NEBL: variants seen among roughly 807,000 people sequenced by gnomAD.
The protein encoded by NEBL is nebulette.
A neutral mutation model predicts 140.2 loss-of-function variants in NEBL; 122 were observed. The ratio of observed to expected loss-of-function variants is 0.87; its 90% confidence interval spans 0.75 to 1.01. The LOEUF (loss-of-function observed/expected upper bound fraction) is 1.01. Among genes scored for constraint, NEBL ranks in the 50% least tolerant of loss-of-function variants. The pLI is 0.00. For synonymous variants in NEBL, 436 were observed against 398.9 expected, an observed-to-expected ratio of 1.09 and a Z score of -1.11; for missense variants, 1,365 against 1,231.3, an observed-to-expected ratio of 1.11 and a Z score of -1.62.
chr10:21,250,310 A>C (rs1588562826), intron 2 of NEBL, among the ~76,000 whole-genome samples: 1 of 152,136 alleles, frequency 6.6e-6, no homozygotes, highest in East Asian at 1.9e-4. Context: ...AAAAGGCTAG[A>C]TTGGCCTAGC....
intron 2 of NEBL, among the ~76,000 whole-genome samples, chr10:21,090,743 G>T (rs1351396403): frequency 6.6e-6 from 1 of 152,126 alleles, no homozygotes; most frequent in African/African-American, 2.4e-5. Flanking sequence ...ACCTGGTTTT[G>T]TCATTAGCCA....
At chr10:20,798,596 C>T (rs896197086) in intron 26 of NEBL, among the ~76,000 whole-genome samples, 3 of 152,168 alleles carry the variant, frequency 2.0e-5, no homozygotes, top group African/African-American at 7.2e-5. Flanking sequence ...TTTATTTTCT[C>T]CTTTACATGC....
intron 2 of NEBL, among the ~76,000 whole-genome samples, chr10:21,099,863 T>G (rs1564511098): frequency 6.6e-6 from 1 of 152,226 alleles, no homozygotes; most frequent in East Asian, 1.9e-4. Context: ...TTACAGTCAC[T>G]GAAGTTTTGA....
At chr10:21,147,597 A>G (rs1472722905) in intron 2 of NEBL, among the ~76,000 whole-genome samples, 3 of 152,152 alleles carry the variant, frequency 2.0e-5, no homozygotes, top group Admixed American at 2.0e-4. Flanking sequence ...TCTCTACTCC[A>G]TAAGTCCTTT....
At position 20,852,526 on chromosome 10, in the gene NEBL, C is replaced by T. The variant is rs758887921; in HGVS notation, c.1008+19G>A. The T allele has an allele frequency of 6.4e-6, 10 of 1,574,680 alleles. No homozygotes were observed. The highest frequency in any genetic ancestry group is 5.4e-5 in the African/African-American group (4 of 74,176). On this transcript the variant is annotated intron_variant, in intron 10 of 27. Coordinates refer to ENST00000377122, the MANE Select transcript of NEBL (RefSeq NM_006393.3). ...GGTTGCTGGCAGGGAGGGTAGGTAC[C>T]GTACGGGCAAGTGTGTACCTGACTT...
chr10:21,081,838 G>A (rs1836383258), intron 2 of NEBL, among the ~76,000 whole-genome samples: 1 of 152,124 alleles, frequency 6.6e-6, no homozygotes, highest in East Asian at 1.9e-4. Context: ...GCCAGGTGTG[G>A]AACAACTTAA....
rs1358391874 is a variant in NEBL at position 20,852,578 on chromosome 10, C to T, written c.975G>A (p.Leu325=). Residue 325 remains leucine (L), a synonymous_variant, in exon 10 of 28, where the codon CTG becomes CTA. Coordinates refer to ENST00000377122, the MANE Select transcript of NEBL (RefSeq NM_006393.3). ...GGAGGACGGCATTGCCTTTATGGTG[C>T]AGATGTTCCACAGCATCTGCATCAA... ...YHFDADAVEH[L]HHKGNAVLQS... The T allele has an allele frequency of 6.8e-6, 11 of 1,613,602 alleles. No homozygotes were observed. The highest frequency in any genetic ancestry group is 9.3e-6 in the Non-Finnish European group (11 of 1,179,932).
chr10:21,028,803 A>T (rs777588529), intron 2 of NEBL, among the ~76,000 whole-genome samples: 15 of 152,182 alleles, frequency 9.9e-5, no homozygotes, highest in Non-Finnish European at 2.2e-4. Flanking sequence ...CAGAGAGAAA[A>T]AGCATAGAAT....
intron 26 of NEBL, among the ~76,000 whole-genome samples, chr10:20,793,158 C>T (rs1836165750): frequency 6.6e-6 from 1 of 152,076 alleles, no homozygotes; most frequent in South Asian, 2.1e-4. Flanking sequence ...AGGGAAGTGC[C>T]GAAGAAACAG....
chr10:21,208,206 C>T (rs1040699457), intron 3 of NEBL, among the ~76,000 whole-genome samples: 2 of 152,146 alleles, frequency 1.3e-5, no homozygotes, highest in African/African-American at 4.8e-5. Flanking sequence ...ATCATCAGGA[C>T]ATAGAAATTG....
At chr10:20,967,068 G>C (rs972579028) in intron 3 of NEBL, among the ~76,000 whole-genome samples, 3 of 147,798 alleles carry the variant, frequency 2.0e-5, no homozygotes, top group African/African-American at 7.5e-5. Flanking sequence ...TGAATTCAAG[G>C]ATGGGCACAT....
chr10:21,003,843 G>A (rs1260859245), intron 3 of NEBL, among the ~76,000 whole-genome samples: 5 of 152,100 alleles, frequency 3.3e-5, no homozygotes, highest in East Asian at 1.9e-4. Flanking sequence ...ATCTCAAAAC[G>A]TATCTAAATT....
chr10:20,937,470 T>C (rs1039250796), intron 4 of NEBL, among the ~76,000 whole-genome samples: 1 of 152,034 alleles, frequency 6.6e-6, no homozygotes, highest in Non-Finnish European at 1.5e-5. Context: ...GGAGACAAGA[T>C]GGTCGAATAG....
At chr10:20,937,254 C>T (rs1321615400) in intron 4 of NEBL, among the ~76,000 whole-genome samples, 1 of 152,180 alleles carries the variant, frequency 6.6e-6, no homozygotes, top group Non-Finnish European at 1.5e-5. Context: ...ACTGAGAAAG[C>T]TCGATTTCAT....
At chr10:20,970,555 G>A (rs1836524743) in intron 3 of NEBL, among the ~76,000 whole-genome samples, 1 of 152,042 alleles carries the variant, frequency 6.6e-6, no homozygotes, top group South Asian at 2.1e-4. Flanking sequence ...CCTCTGAGGT[G>A]TGAGGATTGC....
At chr10:21,071,254 G>A (rs557129436) in intron 2 of NEBL, among the ~76,000 whole-genome samples, 12 of 149,388 alleles carry the variant, frequency 8.0e-5, no homozygotes, top group Non-Finnish European at 1.6e-4. Flanking sequence ...AATAAAAAAC[G>A]GGTATGGTGG....
intron 26 of NEBL, among the ~76,000 whole-genome samples, chr10:20,788,757 T>C (rs750339957): frequency 1.3e-5 from 2 of 152,198 alleles, no homozygotes; most frequent in Non-Finnish European, 1.5e-5. Flanking sequence ...AAAATTTAAA[T>C]ATTTGATATC....
At chr10:20,858,489 G>T in intron 8 of NEBL, 145 bp from the exon 9 acceptor site, 2 of 699,788 alleles carry the variant, frequency 2.9e-6, no homozygotes, top group Non-Finnish European at 5.0e-6. Flanking sequence ...AGATGGTGCT[G>T]ATTTACTACT....
At chr10:20,794,125 C>A (rs1836267041) in intron 26 of NEBL, among the ~76,000 whole-genome samples, 1 of 152,152 alleles carries the variant, frequency 6.6e-6, no homozygotes, top group African/African-American at 2.4e-5. Flanking sequence ...GGTTAGCGTG[C>A]AACATTCCTG....
Sources: allele counts gnomAD v4.1 joint callset (sites outside exome capture counted in the v4.1 genomes callset), GRCh38; gene constraint gnomAD v4.1.1; transcripts MANE v1.5; gene names NCBI Gene and HGNC (gene_info 2026-07-23, HGNC 2026-07-21).